PDIA3: variants seen among roughly 807,000 people sequenced by gnomAD.
PDIA3 encodes protein disulfide-isomerase A3.
PDIA3 carries 16 observed loss-of-function variants against 56.9 expected under a neutral mutation model. That is an observed-to-expected ratio of 0.28 (90% CI 0.19 to 0.43). The LOEUF is 0.43. Ranked by LOEUF, PDIA3 falls within the 20% of genes least tolerant of loss-of-function variation. The pLI, the probability that PDIA3 is intolerant of heterozygous loss-of-function variation, is 1.00. For synonymous variants in PDIA3, 192 were observed against 216.5 expected (o/e 0.89, Z 0.99); for missense variants, 485 against 621.3 (o/e 0.78, Z 2.33).
chr15:43,751,522 T>A (rs2086744062), intron 1 of PDIA3: 1 of 1,050,250 alleles, frequency 9.5e-7, no homozygotes, highest in African/African-American at 1.7e-5. Context: ...GTGAAAGAAG[T>A]AGTGGTTAAT....
rs976610937 is a variant in PDIA3 at position 43,768,610 on chromosome 15, C to T, written c.1137+13C>T. 13 of 1,513,052 alleles carry T rather than the reference C, an allele frequency of 8.6e-6. No individual in the cohort carries two copies. Among genetic ancestry groups the T allele is most frequent in the African/African-American group, 2.7e-5 (2 of 72,846 alleles). 93.7% of individuals were successfully genotyped at this position (1,513,052 alleles called of 1,614,324 possible). ...TGGGCCTGTGAAGGTGAGGTGCTCA[C>T]AGCCTCATCAAGCTATGAGCAATTG... On this transcript the variant is annotated intron_variant, in intron 9 of 12. Transcript: ENST00000300289.
chr15:43,762,996 A>G, intron 4 of PDIA3, 81 bp from the exon 5 acceptor site: 4 of 1,372,072 alleles, frequency 2.9e-6, no homozygotes, highest in Admixed American at 1.9e-5. Flanking sequence ...TTTATGGTTT[A>G]TGGAATAGAC....
intron 3 of PDIA3, among the ~76,000 whole-genome samples, chr15:43,759,637 G>C (rs750208190): frequency 1.1e-4 from 17 of 152,124 alleles, no homozygotes; most frequent in Non-Finnish European, 2.1e-4. Context: ...AGTAACCCAA[G>C]TATCTTATCA....
intron 2 of PDIA3, among the ~76,000 whole-genome samples, chr15:43,756,211 T>C (rs975877011): frequency 3.3e-5 from 5 of 152,178 alleles, no homozygotes; most frequent in East Asian, 3.9e-4. Flanking sequence ...CCTTTGATAA[T>C]AGCTCTAGAT....
At chr15:43,763,432 T>C (rs2086829781) in intron 5 of PDIA3, among the ~76,000 whole-genome samples, 2 of 152,178 alleles carry the variant, frequency 1.3e-5, no homozygotes, top group Admixed American at 1.3e-4. Flanking sequence ...TTTGTATTTT[T>C]AGTAGAGACA....
chr15:43,767,048 A>T, intron 8 of PDIA3, 138 bp downstream of exon 8: 6 of 813,926 alleles, frequency 7.4e-6, no homozygotes, highest in Non-Finnish European at 1.2e-5. Flanking sequence ...ATTTTTCTCA[A>T]TTTAAATATA....
At chr15:43,751,132 G>A (rs1203190384) in intron 1 of PDIA3, among the ~76,000 whole-genome samples, 24 of 55,774 alleles carry the variant, frequency 4.3e-4, no homozygotes, top group African/African-American at 6.5e-4. Context: ...ACTCCGTCTC[G>A]AAAAAAAAAA....
chr15:43,753,708 T>G, intron 1 of PDIA3, 116 bp from the exon 2 acceptor site: 1 of 726,924 alleles, frequency 1.4e-6, no homozygotes, highest in Non-Finnish European at 2.4e-6. Context: ...TTTTGCTTTT[T>G]GGAAGTGTCT....
chr15:43,752,689 G>T (rs2086752389), intron 1 of PDIA3: 2 of 448,266 alleles, frequency 4.5e-6, no homozygotes, highest in African/African-American at 2.0e-5. Context: ...AGTTTTAGGT[G>T]TACAATATTT....
chr15:43,750,947 C>T (rs966877670), intron 1 of PDIA3, among the ~76,000 whole-genome samples: 1 of 151,736 alleles, frequency 6.6e-6, no homozygotes, highest in African/African-American at 2.4e-5. Context: ...GCCTGGCCAA[C>T]ATGGGGAAAC....
chr15:43,750,200 G>A (rs1309401121), intron 1 of PDIA3, among the ~76,000 whole-genome samples: 2 of 127,868 alleles, frequency 1.6e-5, no homozygotes, highest in Non-Finnish European at 3.2e-5. Flanking sequence ...TTTTTAAGTA[G>A]AGACCAGGTT....
intron 10 of PDIA3, 39 bp downstream of exon 10, chr15:43,769,685 G>C (rs766587163): frequency 1.9e-6 from 3 of 1,605,002 alleles, no homozygotes; most frequent in Non-Finnish European, 2.6e-6. Flanking sequence ...CATTTGAGCG[G>C]GAGCAGTAAG....
At chr15:43,754,958 A>C (rs2086768787) in intron 2 of PDIA3, among the ~76,000 whole-genome samples, 1 of 152,126 alleles carries the variant, frequency 6.6e-6, no homozygotes, top group South Asian at 2.1e-4. Context: ...CTGTCTCAAA[A>C]AAAAAAAAAG....
intron 5 of PDIA3, among the ~76,000 whole-genome samples, chr15:43,763,900 C>T (rs545654834): frequency 6.6e-6 from 1 of 152,000 alleles, no homozygotes; most frequent in South Asian, 2.1e-4. Context: ...GAGTGAAGGC[C>T]TTGAGATGTA....
chr15:43,760,087 C>G (rs1347676106), intron 3 of PDIA3, among the ~76,000 whole-genome samples: 1 of 151,782 alleles, frequency 6.6e-6, no homozygotes, highest in South Asian at 2.1e-4. Flanking sequence ...AAGAGTGAAA[C>G]TCCATCTCAA....
intron 4 of PDIA3, among the ~76,000 whole-genome samples, chr15:43,762,801 A>G (rs556794193): frequency 3.3e-5 from 5 of 152,294 alleles, no homozygotes; most frequent in African/African-American, 9.6e-5. Context: ...CTCTTAAGCA[A>G]TTTGCCCAAA....
At chr15:43,758,444 A>G (rs2086793795) in intron 3 of PDIA3, among the ~76,000 whole-genome samples, 1 of 152,008 alleles carries the variant, frequency 6.6e-6, no homozygotes, top group African/African-American at 2.4e-5. Context: ...AGATCATTTG[A>G]GATCAGGAGT....
At chr15:43,769,794 C>T (rs1384027602) in intron 10 of PDIA3, 148 bp downstream of exon 10, 8 of 806,858 alleles carry the variant, frequency 9.9e-6, no homozygotes, top group Admixed American at 2.5e-5. Context: ...CTCGTGACTG[C>T]CCCCTAGTGC....
chr15:43,758,448 C>T (rs1046607494), intron 3 of PDIA3, among the ~76,000 whole-genome samples: 1 of 151,916 alleles, frequency 6.6e-6, no homozygotes, highest in Non-Finnish European at 1.5e-5. Flanking sequence ...CATTTGAGAT[C>T]AGGAGTTTGA....
Sources: gnomAD v4.1 joint callset for allele counts (sites outside exome capture counted in the v4.1 genomes callset) on GRCh38, gnomAD v4.1.1 for gene constraint, MANE v1.5 for transcripts, NCBI Gene and HGNC (gene_info 2026-07-23, HGNC 2026-07-21) for gene names.